The following ARL5C variants were observed in gnomAD, a reference collection of about 807,000 sequenced individuals.
The protein encoded by ARL5C is putative ADP-ribosylation factor-like protein 5C.
Under a neutral mutation model 20.8 loss-of-function variants are expected in ARL5C, and 21 were observed. That is an observed-to-expected ratio of 1.01 (90% CI 0.72 to 1.46). ARL5C has a LOEUF of 1.46. Ranked by LOEUF, ARL5C falls within the 40% of genes most tolerant of loss-of-function variation. The pLI is 0.00. For synonymous variants in ARL5C, 71 were observed against 81.6 expected, an observed-to-expected ratio of 0.87 and a Z score of 0.70; for missense variants, 199 against 225.1, an observed-to-expected ratio of 0.88 and a Z score of 0.74.
intron 3 of ARL5C, 40 bp from the exon 4 acceptor site, chr17:39,161,391 T>G: frequency 2.0e-6 from 3 of 1,533,366 alleles, no homozygotes; most frequent in Non-Finnish European, 2.7e-6. Context: ...AGGCTTTCTC[T>G]TTGGTAAATG....
intron 4 of ARL5C, 85 bp downstream of exon 4, chr17:39,161,183 G>T: frequency 7.7e-7 from 1 of 1,304,926 alleles, no homozygotes; most frequent in Non-Finnish European, 1.1e-6. Flanking sequence ...GGGACAGCAG[G>T]AACGAATCTC....
intron 1 of ARL5C, chr17:39,165,347 C>T: frequency 1.6e-6 from 1 of 608,426 alleles, no homozygotes; most frequent in Non-Finnish European, 2.9e-6. Context: ...CCTCCCTTCA[C>T]ATTCCAGAAA....
chr17:39,162,742 A>C lies in ARL5C; in HGVS notation c.224T>G (p.Phe75Cys), dbSNP rs923835662. The C allele has an allele frequency of 4.5e-6, 7 of 1,551,640 alleles. No homozygotes were observed. Among genetic ancestry groups the C allele is most frequent in the Non-Finnish European group, 6.1e-6 (7 of 1,146,974 alleles). ...WDIVRPEALS[F>C]IWNTYYSNTE... ...GTTGGAGTAGTATGTGTTCCAGATA[A>C]AGCTCAGAGCCTCAGGTCTCACTAT... Residue 75 changes from phenylalanine (F) to cysteine (C), a missense_variant, in exon 3 of 6, where the codon TTT (phenylalanine) becomes TGT (cysteine). Transcript: ENST00000269586.
At chr17:39,164,899 G>A (rs180809988) in intron 2 of ARL5C, 180 bp downstream of exon 2, 1 of 622,416 alleles carries the variant, frequency 1.6e-6, no homozygotes, top group East Asian at 2.9e-5. Context: ...TACGGTGCAG[G>A]ATTTGAATGC....
chr17:39,163,362 C>CTTTCTTTCTTTCTTTCTT (rs1567781371), intron 2 of ARL5C, among the ~76,000 whole-genome samples: 38 of 123,840 alleles, frequency 3.1e-4, no homozygotes, highest in Middle Eastern at 4.1e-3. Flanking sequence ...TTCTTTCTTT[C>CTTTCTTTCTTTCTTTCTT]TTTCTTTCTT....
chr17:39,159,568 A>T (rs1423271434), intron 5 of ARL5C, among the ~76,000 whole-genome samples: 2 of 152,078 alleles, frequency 1.3e-5, no homozygotes, highest in Non-Finnish European at 2.9e-5. Flanking sequence ...AAGTGCTGGG[A>T]TTACAGGCAT....
At chr17:39,157,014 G>T (rs1189936489) in intron 5 of ARL5C, 72 bp from the exon 6 acceptor site, 94 of 1,514,696 alleles carry the variant, frequency 6.2e-5, no homozygotes, top group Non-Finnish European at 8.3e-5. Flanking sequence ...TCCAGCCCTT[G>T]CCCAGATCGG....
chr17:39,165,950 C>T lies in ARL5C; in HGVS notation c.-190G>A, dbSNP rs1454138842. Reference sequence around the variant, plus strand: ...GCTGGCCCTTCGTGGGCACTATGGACACCCCAGTGACTAAGGGCTGCCTGT... The same window carrying T: ...GCTGGCCCTTCGTGGGCACTATGGATACCCCAGTGACTAAGGGCTGCCTGT... On this transcript the variant is annotated 5_prime_UTR_variant, in exon 1 of 6. Transcript: ENST00000269586. 3 of 635,712 alleles carry T rather than the reference C, an allele frequency of 4.7e-6. No homozygotes were observed. The highest frequency in any genetic ancestry group is 8.2e-6 in the Non-Finnish European group (3 of 364,050). 39.4% of individuals were successfully genotyped at this position (635,712 alleles called of 1,614,324 possible). A position where few individuals can be genotyped will look rare whatever the true frequency, so the allele number is the denominator to read the frequency against.
At chr17:39,163,345 C>CCTTCCTTT (rs1555576104) in intron 2 of ARL5C, among the ~76,000 whole-genome samples, 39 of 136,862 alleles carry the variant, frequency 2.8e-4, no homozygotes, top group South Asian at 2.6e-3. Context: ...CAGGCTTTTG[C>CCTTCCTTT]CTTTCTTTCT....
intron 4 of ARL5C, 87 bp downstream of exon 4, chr17:39,161,181 A>G (rs2045432766): frequency 1.6e-6 from 2 of 1,283,346 alleles, no homozygotes; most frequent in Non-Finnish European, 2.2e-6. Flanking sequence ...CTGGGACAGC[A>G]GGAACGAATC....
At chr17:39,156,786 A>T, downstream of ARL5C, 1 of 1,311,134 alleles carries the variant, frequency 7.6e-7, no homozygotes, top group Non-Finnish European at 1.1e-6. Flanking sequence ...CATAGCAGCC[A>T]CTGCTCCCAC....
chr17:39,160,528 C>G, intron 5 of ARL5C, 63 bp downstream of exon 5: 3 of 1,527,352 alleles, frequency 2.0e-6, no homozygotes, highest in Non-Finnish European at 2.7e-6. Context: ...GAGAAGGGTT[C>G]TGATGGTCAG....
intron 2 of ARL5C, 170 bp downstream of exon 2, chr17:39,164,909 C>A (rs1211840421): frequency 7.9e-6 from 5 of 633,792 alleles, no homozygotes; most frequent in Non-Finnish European, 1.4e-5. Context: ...GATTTGAATG[C>A]CAGACCGAGG....
Position 39,165,211 on chromosome 17 carries a change from C to T in ARL5C, c.47-72G>A, listed in dbSNP as rs1165655501. The T allele has an allele frequency of 1.0e-5, 15 of 1,473,542 alleles. No individual in the cohort carries two copies. In the East Asian group the frequency reaches 3.5e-4, roughly 34 times the overall value. The allele number at this position is 1,473,542 out of a possible 1,614,324, so 91.3% of individuals were successfully genotyped here. A position where few individuals can be genotyped will look rare whatever the true frequency, so the allele number is the denominator to read the frequency against. Reference sequence around the variant, plus strand: ...CAAGGGACTGTGTGCCCCCACCAGACCTCCCAGGAAGGAGATAGCGCTCCC... The same window carrying T: ...CAAGGGACTGTGTGCCCCCACCAGATCTCCCAGGAAGGAGATAGCGCTCCC... On this transcript the variant is annotated intron_variant, in intron 1 of 5. Coordinates refer to ENST00000269586, the MANE Select transcript of ARL5C (RefSeq NM_001143968.1).
At chr17:39,156,982 A>G in intron 5 of ARL5C, 40 bp from the exon 6 acceptor site, 1 of 1,550,108 alleles carries the variant, frequency 6.5e-7, no homozygotes, top group Non-Finnish European at 8.7e-7. Context: ...GCCTAACCCA[A>G]GAGAATGATG....
intron 5 of ARL5C, among the ~76,000 whole-genome samples, chr17:39,157,937 C>CAA (rs71141772): frequency 3.6e-5 from 5 of 139,326 alleles, no homozygotes; most frequent in Non-Finnish European, 6.3e-5. Context: ...ACTAAAAATA[C>CAA]AAAAAAAAAA....
intron 3 of ARL5C, among the ~76,000 whole-genome samples, chr17:39,161,818 T>C (rs187690254): frequency 7.2e-4 from 109 of 152,286 alleles, no homozygotes; most frequent in Middle Eastern, 6.8e-3. Flanking sequence ...ACCTGGCCTG[T>C]AATTGTCTTT....
At position 39,162,735 on chromosome 17, in the gene ARL5C, C is replaced by T; in HGVS notation, c.231G>A (p.Trp77Ter). The T allele has an allele frequency of 6.4e-7, 1 of 1,551,692 alleles. No homozygotes were observed. Among genetic ancestry groups the T allele is most frequent in the South Asian group, 1.2e-5 (1 of 84,032 alleles). Residue 77 changes from tryptophan (W) to a stop codon, truncating the protein, a stop_gained, in exon 3 of 6, where the codon TGG becomes TGA. Coordinates refer to ENST00000269586, the MANE Select transcript of ARL5C (RefSeq NM_001143968.1). LOFTEE classifies it high-confidence loss of function. Reference protein sequence around the residue: ...IVRPEALSFIWNTYYSNTEFI... With the variant: ...IVRPEALSFI ...CCTCAGTGTTGGAGTAGTATGTGTT[C>T]CAGATAAAGCTCAGAGCCTCAGGTC...
At chr17:39,161,227 G>A in intron 4 of ARL5C, 41 bp downstream of exon 4, 1 of 1,527,346 alleles carries the variant, frequency 6.5e-7, no homozygotes, top group Non-Finnish European at 8.9e-7. Flanking sequence ...AGGGCACACA[G>A]CTAGTACCAC....
Sources: allele counts gnomAD v4.1 joint callset (sites outside exome capture counted in the v4.1 genomes callset), GRCh38; gene constraint gnomAD v4.1.1; transcripts MANE v1.5; gene names NCBI Gene and HGNC (gene_info 2026-07-23, HGNC 2026-07-21).